The following BIN3 variants were observed in gnomAD, a reference collection of about 807,000 sequenced individuals.
BIN3 encodes the protein bridging integrator 3.
In BIN3, 41 loss-of-function variants were observed where a neutral mutation model predicts 38.2. The observed-to-expected ratio is 1.07, with a 90% CI of 0.84 to 1.39. BIN3 has a LOEUF of 1.39. Among genes scored for constraint, BIN3 ranks in the 40% most tolerant of loss-of-function variants. The pLI is 0.00. For synonymous variants in BIN3, 145 were observed against 122.6 expected (o/e 1.18, Z -1.21); for missense variants, 361 against 324.3 (o/e 1.11, Z -0.87).
At chr8:22,648,978 G>A (rs1277351260) in intron 1 of BIN3, among the ~76,000 whole-genome samples, 4 of 152,002 alleles carry the variant, frequency 2.6e-5, no homozygotes, top group South Asian at 2.1e-4. Flanking sequence ...CCAGCTCTAC[G>A]ACATGTACCA....
At chr8:22,665,770 C>G (rs557125580) in intron 1 of BIN3, among the ~76,000 whole-genome samples, 7 of 152,256 alleles carry the variant, frequency 4.6e-5, no homozygotes, top group African/African-American at 1.4e-4. Flanking sequence ...AAGATGATGG[C>G]AAGGGACTAC....
At chr8:22,633,984 A>G (rs912234254) in intron 4 of BIN3, among the ~76,000 whole-genome samples, 7 of 152,334 alleles carry the variant, frequency 4.6e-5, no homozygotes, top group African/African-American at 1.7e-4. Context: ...CTCTGCTGGG[A>G]AACTAAGCTT....
intron 4 of BIN3, among the ~76,000 whole-genome samples, chr8:22,633,550 T>G (rs77962584): frequency 6.6e-6 from 1 of 152,210 alleles, no homozygotes; most frequent in Admixed American, 6.5e-5. Context: ...ACTCTGAAAG[T>G]AGTATGAGTT....
At chr8:22,624,765 A>C (rs528101464) in intron 6 of BIN3, 8 of 210,418 alleles carry the variant, frequency 3.8e-5, no homozygotes, top group Non-Finnish European at 7.6e-5. Context: ...ATGGTGGGGA[A>C]GGTGCCTTGA....
chr8:22,667,819 G>A (rs781762568), intron 1 of BIN3, among the ~76,000 whole-genome samples: 1 of 152,198 alleles, frequency 6.6e-6, no homozygotes, highest in Non-Finnish European at 1.5e-5. Flanking sequence ...AGAAACAGGT[G>A]GGGGAGGGGA....
Position 22,669,085 on chromosome 8 carries a change from A to G in BIN3, c.-34T>C. The G allele has an allele frequency of 6.3e-7, 1 of 1,589,270 alleles. No individual in the cohort carries two copies. ...ACCTGCGTCTGCCGCCGGGGTCCTC[A>G]GCCACAACTCGTTTCTCTAGGGTCA... On this transcript the variant is annotated 5_prime_UTR_variant, in exon 1 of 9. Transcript: ENST00000276416.
At chr8:22,630,670 G>A in intron 4 of BIN3, 92 bp from the exon 5 acceptor site, 2 of 1,451,146 alleles carry the variant, frequency 1.4e-6, no homozygotes, top group Non-Finnish European at 1.9e-6. Flanking sequence ...CCAGGGGCCT[G>A]CACCCTGAAG....
intron 4 of BIN3, among the ~76,000 whole-genome samples, chr8:22,633,694 T>C (rs1334910079): frequency 6.6e-6 from 1 of 152,238 alleles, no homozygotes; most frequent in East Asian, 1.9e-4. Context: ...GCTCACAGTG[T>C]GGGCCTCAGC....
rs568932794 is a variant in BIN3, at chr8:22,634,379, G to A, written c.160+2146C>T. On this transcript the variant is annotated intron_variant, in intron 4 of 8. Transcript: ENST00000276416. ...GAAAATTCATGGCACAGACCAAGAC[G>A]GCCACAGTCCCTGCACAGGCAGTCA... is the stretch of plus-strand genomic sequence containing the variant. 345 of 420,768 alleles carry A rather than the reference G, an allele frequency of 8.2e-4. 2 individuals are homozygous for A. The highest frequency in any genetic ancestry group is 2.9e-3 in the African/African-American group (144 of 49,100). 26.1% of individuals were successfully genotyped at this position (420,768 alleles called of 1,614,324 possible). A position where few individuals can be genotyped will look rare whatever the true frequency, so the allele number is the denominator to read the frequency against.
At chr8:22,651,757 T>TCA in intron 1 of BIN3, among the ~76,000 whole-genome samples, 3 of 152,226 alleles carry the variant, frequency 2.0e-5, no homozygotes, top group African/African-American at 4.8e-5. Context: ...TGTCACGGTG[T>TCA]TGTATAATTT....
chr8:22,628,793 C>T (rs1802087202), intron 6 of BIN3, among the ~76,000 whole-genome samples: 1 of 152,162 alleles, frequency 6.6e-6, no homozygotes, highest in Non-Finnish European at 1.5e-5. Context: ...AGGGTCTGCT[C>T]AGTCTATGTC....
chr8:22,636,913 G>C lies in BIN3; in HGVS notation c.98+9C>G, dbSNP rs1486034059. 6.2e-7 allele frequency: 1 copy of C among 1,611,672 alleles called. No homozygotes were observed. Among genetic ancestry groups the C allele is most frequent in the Non-Finnish European group, 8.5e-7 (1 of 1,177,816 alleles). On this transcript the variant is annotated intron_variant, in intron 3 of 8. Coordinates refer to ENST00000276416, the MANE Select transcript of BIN3 (RefSeq NM_018688.6). The stretch of plus-strand genomic sequence containing the variant: ...CCTCCCACCTCATCTTTCTGGGGTT[G>C]ACACTCACTGCTGAAGTTTTCCATA...
intron 1 of BIN3, among the ~76,000 whole-genome samples, chr8:22,656,690 G>A (rs1803067504): frequency 6.6e-6 from 1 of 152,144 alleles, no homozygotes; most frequent in Admixed American, 6.5e-5. Context: ...AGCCAGGAAC[G>A]TTCCTAACAG....
chr8:22,638,011 G>A (rs537299743), intron 2 of BIN3, among the ~76,000 whole-genome samples: 1 of 152,332 alleles, frequency 6.6e-6, no homozygotes, highest in East Asian at 1.9e-4. Flanking sequence ...CAGGCAGCCT[G>A]GCTCCACAGC....
At chr8:22,655,702 T>C (rs535967887) in intron 1 of BIN3, among the ~76,000 whole-genome samples, 1 of 152,338 alleles carries the variant, frequency 6.6e-6, no homozygotes, top group African/African-American at 2.4e-5. Flanking sequence ...GTGTGAGTTC[T>C]CCAGCTTTGT....
At chr8:22,660,707 A>G (rs954847894) in intron 1 of BIN3, among the ~76,000 whole-genome samples, 1 of 152,220 alleles carries the variant, frequency 6.6e-6, no homozygotes, top group African/African-American at 2.4e-5. Flanking sequence ...GAAATATTGT[A>G]AATACACAAA....
At chr8:22,621,937 AG>A (rs1323618626) in intron 8 of BIN3, among the ~76,000 whole-genome samples, 2 of 152,248 alleles carry the variant, frequency 1.3e-5, no homozygotes, top group African/African-American at 4.8e-5. Flanking sequence ...CATGGCAGAA[AG>A]ACAGCATGGT....
intron 3 of BIN3, 75 bp from the exon 4 acceptor site, chr8:22,636,661 G>T: frequency 6.9e-7 from 1 of 1,451,312 alleles, no homozygotes; most frequent in Non-Finnish European, 9.4e-7. Flanking sequence ...TGCTCTGGAG[G>T]GCCTGCCAAG....
Position 22,630,597 on chromosome 8 carries a change from C to A in BIN3, c.161-19G>T. 1.2e-6 allele frequency: 2 copies of A among 1,613,396 alleles called. No homozygotes were observed. Among genetic ancestry groups the A allele is most frequent in the Non-Finnish European group, 1.7e-6 (2 of 1,179,562 alleles). On this transcript the variant is annotated intron_variant, in intron 4 of 8. Coordinates refer to ENST00000276416, the MANE Select transcript of BIN3 (RefSeq NM_018688.6). ...GACATGGCTGTGGGAAGCCAAAGCTCGGTGAACCTTCTATGAAGGGGCAGG... is the reference window on the plus strand; with the variant it reads ...GACATGGCTGTGGGAAGCCAAAGCTAGGTGAACCTTCTATGAAGGGGCAGG...
Sources: allele counts gnomAD v4.1 joint callset (sites outside exome capture counted in the v4.1 genomes callset), GRCh38; gene constraint gnomAD v4.1.1; transcripts MANE v1.5; gene names NCBI Gene and HGNC (gene_info 2026-07-23, HGNC 2026-07-21).